The following DYM variants were observed in gnomAD, a reference collection of about 807,000 sequenced individuals.
The protein encoded by DYM is dyggve-Melchior-Clausen syndrome protein.
Under a neutral mutation model 93.1 loss-of-function variants are expected in DYM, and 78 were observed. The observed-to-expected ratio is 0.84, with a 90% CI of 0.70 to 1.01. DYM has a LOEUF of 1.01. Among genes scored for constraint, DYM ranks in the 50% least tolerant of loss-of-function variants. DYM has a pLI of 0.00. For missense variants in DYM, 789 were observed against 845.0 expected (o/e 0.93, Z 0.82); for synonymous variants, 321 against 319.7 (o/e 1.00, Z -0.04).
At chr18:49,350,730 A>AC (rs1387803657) in intron 6 of DYM, among the ~76,000 whole-genome samples, 1 of 151,414 alleles carries the variant, frequency 6.6e-6, no homozygotes, top group African/African-American at 2.4e-5. Flanking sequence ...AAAAAAGAAA[A>AC]AAAAAAAAAA....
At chr18:49,163,610 C>T in intron 15 of DYM, 75 bp downstream of exon 15, 1 of 958,258 alleles carries the variant, frequency 1.0e-6, no homozygotes, top group East Asian at 2.7e-5. Flanking sequence ...TCCCAAAGTG[C>T]TGGGATTACA....
rs796191611 is a variant in DYM, at chr18:49,181,025, CA to C, written c.1626-17239del. Among the ~76,000 whole-genome samples, 113 of 152,210 alleles carry C rather than the reference CA, an allele frequency of 7.4e-4. 2 individuals carry two copies. The highest frequency in any genetic ancestry group is 2.7e-3 in the African/African-American group (112 of 41,546). ...AACAAACAAAAAAAACTGTGCAAAC[CA>C]AACACAGCACCTCTCTAGCCTGAGT... On this transcript the variant is annotated intron_variant, in intron 14 of 17. Transcript: ENST00000675505.
At position 49,044,184 on chromosome 18, in the gene DYM, G is replaced by C; in HGVS notation, c.2046C>G (p.Phe682Leu). Residue 682 changes from phenylalanine (F) to leucine (L), a missense_variant, in exon 18 of 18, where the codon TTC becomes TTG. Phe to Leu is a conservative substitution (Grantham distance 22, BLOSUM62 0). This residue lies in a region of DYM where 114 missense variants were observed against 105.8 expected (regional missense o/e 1.08). Coordinates refer to ENST00000675505, the MANE Select transcript of DYM (RefSeq NM_001353214.3). The part of the protein sequence containing the change: ...DRLKKFPELK[F>L]KYVEEEQPEE... ...CGGGCTGCTCCTCTTCCACATATTTGAATTTCAATTCTGGAAATTTCTGCA... is the reference window on the plus strand; with the variant it reads ...CGGGCTGCTCCTCTTCCACATATTTCAATTTCAATTCTGGAAATTTCTGCA... The C allele has an allele frequency of 6.2e-7, 1 of 1,614,070 alleles. No homozygotes were observed. The highest frequency in any genetic ancestry group is 1.3e-5 in the African/African-American group (1 of 75,008).
At position 49,272,213 on chromosome 18, in the gene DYM, C is replaced by T; in HGVS notation, c.1216G>A (p.Glu406Lys). The T allele has an allele frequency of 6.2e-7, 1 of 1,611,814 alleles. No homozygotes were observed. The highest frequency in any genetic ancestry group is 8.5e-7 in the Non-Finnish European group (1 of 1,178,232). ...MALIILLILT[E>K]DDGFNRSIHE... Reference sequence around the variant, plus strand: ...ATGGATCTGTTGAAGCCATCATCTTCCGTAAGGATCAACAATATTATAAGG... The same window carrying T: ...ATGGATCTGTTGAAGCCATCATCTTTCGTAAGGATCAACAATATTATAAGG... Residue 406 changes from glutamate to lysine, a missense_variant, in exon 11 of 18, where the codon GAA becomes AAA. Physicochemically the swap from Glu to Lys is moderately conservative, Grantham distance 56. Transcript: ENST00000675505.
At chr18:49,313,404 A>C (rs2061717506) in intron 8 of DYM, among the ~76,000 whole-genome samples, 1 of 130,634 alleles carries the variant, frequency 7.7e-6, no homozygotes, top group Non-Finnish European at 1.6e-5. Flanking sequence ...CGGAGGTTCC[A>C]GTTAGCCAAG....
chr18:49,333,583 C>G, intron 7 of DYM, 145 bp downstream of exon 7: 1 of 855,862 alleles, frequency 1.2e-6, no homozygotes. Flanking sequence ...ATGCGGTTCC[C>G]TATGCACTGG....
intron 2 of DYM, among the ~76,000 whole-genome samples, chr18:49,401,234 A>T (rs2070778860): frequency 6.6e-6 from 1 of 152,194 alleles, no homozygotes; most frequent in Admixed American, 6.5e-5. Flanking sequence ...CTCTTAGTCA[A>T]AGTAGCTAAA....
At chr18:49,168,254 G>C (rs1443592859) in intron 14 of DYM, among the ~76,000 whole-genome samples, 3 of 152,096 alleles carry the variant, frequency 2.0e-5, no homozygotes, top group Non-Finnish European at 4.4e-5. Flanking sequence ...CACATATACA[G>C]TATATATAAA....
intron 1 of DYM, among the ~76,000 whole-genome samples, chr18:49,441,015 T>TTTATTTATA (rs2081404408): frequency 9.0e-4 from 2 of 2,226 alleles, no homozygotes; most frequent in African/African-American, 2.4e-3. Flanking sequence ...ATATTATATA[T>TTTATTTATA]TATATATATT....
At chr18:49,433,822 T>G (rs967726387) in intron 1 of DYM, among the ~76,000 whole-genome samples, 4 of 151,872 alleles carry the variant, frequency 2.6e-5, no homozygotes, top group African/African-American at 9.7e-5. Context: ...GAGCCGAGAT[T>G]GTGCCACTGC....
chr18:49,118,617 G>C, intron 16 of DYM, 127 bp downstream of exon 16: 1 of 862,602 alleles, frequency 1.2e-6, no homozygotes, highest in South Asian at 1.5e-5. Context: ...TAGTAAAATA[G>C]ACTGCAAATA....
intron 13 of DYM, among the ~76,000 whole-genome samples, chr18:49,228,699 C>G (rs1196094661): frequency 1.3e-5 from 2 of 152,132 alleles, no homozygotes; most frequent in African/African-American, 4.8e-5. Context: ...ACTAGGGTCC[C>G]TTATGAAGGC....
intron 14 of DYM, among the ~76,000 whole-genome samples, chr18:49,198,521 A>C (rs2091698538): frequency 6.6e-6 from 1 of 152,242 alleles, no homozygotes; most frequent in Admixed American, 6.5e-5. Flanking sequence ...CAAAGAACTC[A>C]AACAAATTTA....
intron 2 of DYM, among the ~76,000 whole-genome samples, chr18:49,419,231 G>C (rs759731657): frequency 6.6e-6 from 1 of 152,144 alleles, no homozygotes; most frequent in African/African-American, 2.4e-5. Context: ...GTGATGGCAG[G>C]CACCTGTAAT....
intron 6 of DYM, among the ~76,000 whole-genome samples, chr18:49,354,912 A>G (rs2065412022): frequency 6.6e-6 from 1 of 152,062 alleles, no homozygotes; most frequent in Non-Finnish European, 1.5e-5. Context: ...TCATTCATTC[A>G]TCTACTCTGT....
intron 5 of DYM, among the ~76,000 whole-genome samples, chr18:49,370,230 G>T (rs1303618417): frequency 1.4e-5 from 2 of 147,892 alleles, no homozygotes; most frequent in African/African-American, 5.0e-5. Flanking sequence ...GTGAGCCAAG[G>T]TCGCACCACT....
At chr18:49,132,941 G>A (rs1475699740) in intron 15 of DYM, among the ~76,000 whole-genome samples, 12 of 152,002 alleles carry the variant, frequency 7.9e-5, no homozygotes, top group Admixed American at 3.3e-4. Context: ...CAAACAACTC[G>A]CAAGAATAAT....
chr18:49,257,196 G>A (rs2094407528), intron 12 of DYM, 92 bp from the exon 13 acceptor site: 1 of 958,892 alleles, frequency 1.0e-6, no homozygotes, highest in African/African-American at 1.6e-5. Flanking sequence ...TGTAAACTCA[G>A]TTGTCACTGA....
chr18:49,260,597 G>A (rs1396789719), intron 11 of DYM, among the ~76,000 whole-genome samples: 4 of 152,042 alleles, frequency 2.6e-5, no homozygotes, highest in Non-Finnish European at 5.9e-5. Flanking sequence ...AAACATTCTC[G>A]CAAGATTAAT....
Sources: gnomAD v4.1 joint callset for allele counts (sites outside exome capture counted in the v4.1 genomes callset) on GRCh38, gnomAD v4.1.1 for gene constraint, gnomAD v4.1.1 regional missense constraint, MANE v1.5 for transcripts, NCBI Gene and HGNC (gene_info 2026-07-23, HGNC 2026-07-21) for gene names.